FILIP1L: variants seen among roughly 807,000 people sequenced by gnomAD.
FILIP1L encodes filamin A interacting protein 1 like.
In FILIP1L, 55 loss-of-function variants were observed where a neutral mutation model predicts 96.6. The ratio of observed to expected loss-of-function variants is 0.57; its 90% CI spans 0.46 to 0.71. The LOEUF is 0.71. FILIP1L is among the 30% of genes least tolerant of loss of function. The probability of loss-of-function intolerance (pLI) is 0.00; values close to 1 mark genes in which losing one functional copy is unlikely to be tolerated. For missense variants in FILIP1L, 1,304 were observed against 1,321.2 expected (o/e 0.99, Z 0.20); for synonymous variants, 467 against 473.9 (o/e 0.99, Z 0.19).
At chr3:99,972,657 C>G (rs1022830128) in intron 1 of FILIP1L, among the ~76,000 whole-genome samples, 6 of 152,118 alleles carry the variant, frequency 3.9e-5, no homozygotes, top group African/African-American at 1.2e-4. Context: ...ATGTCACCAC[C>G]CTGTTGGGAA....
At chr3:99,865,741 AGGGC>A (rs1944478790) in intron 4 of FILIP1L, among the ~76,000 whole-genome samples, 1 of 151,824 alleles carries the variant, frequency 6.6e-6, no homozygotes, top group African/African-American at 2.4e-5. Context: ...ACAGACTTCA[AGGGC>A]ATAATAATAA....
intron 1 of FILIP1L, among the ~76,000 whole-genome samples, chr3:99,977,959 A>T (rs1268497224): frequency 6.6e-6 from 1 of 152,200 alleles, no homozygotes; most frequent in Non-Finnish European, 1.5e-5. Flanking sequence ...CAAAATTTCC[A>T]TGAGCAAATT....
chr3:99,991,564 T>A (rs970006975), intron 1 of FILIP1L, among the ~76,000 whole-genome samples: 2 of 152,002 alleles, frequency 1.3e-5, no homozygotes, highest in African/African-American at 4.8e-5. Flanking sequence ...ATCACAGACA[T>A]TGTACCCAAT....
intron 3 of FILIP1L, among the ~76,000 whole-genome samples, chr3:99,929,244 T>C (rs1386889425): frequency 6.6e-6 from 1 of 152,230 alleles, no homozygotes; most frequent in Non-Finnish European, 1.5e-5. Flanking sequence ...GTGGCCCTGT[T>C]GGGACTGCCC....
At chr3:99,922,426 C>G (rs1707153620) in intron 4 of FILIP1L, among the ~76,000 whole-genome samples, 1 of 152,148 alleles carries the variant, frequency 6.6e-6, no homozygotes, top group African/African-American at 2.4e-5. Flanking sequence ...TTAGTAGGAC[C>G]TTTCCCCTGC....
chr3:100,056,711 A>C (rs2065469399), intron 1 of FILIP1L, among the ~76,000 whole-genome samples: 1 of 151,918 alleles, frequency 6.6e-6, no homozygotes, highest in Non-Finnish European at 1.5e-5. Flanking sequence ...TAAAAAAAAA[A>C]AAATGGGGCC....
At chr3:99,989,179 A>G (rs146936227) in intron 1 of FILIP1L, among the ~76,000 whole-genome samples, 1 of 152,104 alleles carries the variant, frequency 6.6e-6, no homozygotes. Flanking sequence ...TTTCTTGGAG[A>G]TAAATTAAAT....
chr3:100,068,682 C>T (rs1559746631), intron 1 of FILIP1L, among the ~76,000 whole-genome samples: 1 of 152,226 alleles, frequency 6.6e-6, no homozygotes, highest in African/African-American at 2.4e-5. Context: ...GGCTGGAGTG[C>T]AGTTGCACGA....
intron 4 of FILIP1L, among the ~76,000 whole-genome samples, chr3:99,858,563 A>G (rs1274916626): frequency 6.6e-6 from 1 of 152,224 alleles, no homozygotes; most frequent in East Asian, 1.9e-4. Flanking sequence ...ATACTTTTAC[A>G]AAATTATTTA....
chr3:100,043,056 A>G (rs772851890), intron 1 of FILIP1L, among the ~76,000 whole-genome samples: 5 of 152,214 alleles, frequency 3.3e-5, no homozygotes, highest in East Asian at 1.9e-4. Flanking sequence ...CTTTACCTCA[A>G]TGTGAAGATC....
rs1184537682 is a variant in FILIP1L, at chr3:99,910,738, A to G, written c.605+13492T>C. On this transcript the variant is annotated intron_variant, in intron 4 of 5. Coordinates refer to ENST00000477258, the MANE Select transcript of FILIP1L (RefSeq NM_001387850.1). ...ATTCTTTGCCCAAATAGTTACCCAT[A>G]CTCTTCTCAGAACCCTCATGCAAGA... 7.3e-5 allele frequency among the ~76,000 whole-genome samples: 11 copies of G among 149,934 alleles called. 2 individuals are homozygous for G. The highest frequency in any genetic ancestry group is 2.7e-4 in the African/African-American group (11 of 41,170).
intron 1 of FILIP1L, among the ~76,000 whole-genome samples, chr3:99,971,884 CTT>C (rs1293690322): frequency 6.6e-5 from 10 of 152,146 alleles, no homozygotes; most frequent in Non-Finnish European, 1.5e-4. Context: ...CCTATATACT[CTT>C]TTGGTAGGAT....
rs16841828 is a variant in FILIP1L, at chr3:99,924,022, A to G, written c.605+208T>C. Among the ~76,000 whole-genome samples, 932 of 152,330 alleles carry G rather than the reference A, an allele frequency of 6.1e-3. 10 individuals carry two copies. Among genetic ancestry groups the G allele is most frequent in the African/African-American group, 0.021 (881 of 41,570 alleles). Reference sequence around the variant, plus strand: ...TCCCTTCAAGAGTTAGGGGCCTAACATTTATGGTTCCACAGTCCTTATCAC... The same window carrying G: ...TCCCTTCAAGAGTTAGGGGCCTAACGTTTATGGTTCCACAGTCCTTATCAC... On this transcript the variant is annotated intron_variant, in intron 4 of 5. Transcript: ENST00000477258.
At chr3:99,927,699 A>T (rs553929929) in intron 3 of FILIP1L, among the ~76,000 whole-genome samples, 2 of 152,268 alleles carry the variant, frequency 1.3e-5, no homozygotes, top group African/African-American at 4.8e-5. Context: ...TTTTGGAAGA[A>T]CTAAGAATAC....
Position 100,015,425 on chromosome 3 carries a change from A to AT in FILIP1L, c.-10-84396dup, listed in dbSNP as rs539655231. On this transcript the variant is annotated intron_variant, in intron 1 of 5. Coordinates refer to ENST00000477258, the MANE Select transcript of FILIP1L (RefSeq NM_001387850.1). The stretch of plus-strand genomic sequence containing the variant: ...TTTTTCTATTTCTGTGAAAAATCTC[A>AT]TTAGAATTTTGATAGGTATTGCATT... Among the ~76,000 whole-genome samples, 706 of 152,318 alleles carry AT rather than the reference A, an allele frequency of 4.6e-3. 2 individuals carry two copies. Among genetic ancestry groups the AT allele is most frequent in the South Asian group, 7.0e-3 (34 of 4,824 alleles).
chr3:99,968,288 A>T (rs114861059), intron 1 of FILIP1L, among the ~76,000 whole-genome samples: 10 of 152,264 alleles, frequency 6.6e-5, no homozygotes, highest in Non-Finnish European at 1.2e-4. Flanking sequence ...CAAACTACAG[A>T]AAGTTTGGTC....
intron 1 of FILIP1L, among the ~76,000 whole-genome samples, chr3:100,108,727 C>T (rs745969610): frequency 5.3e-5 from 8 of 152,142 alleles, no homozygotes; most frequent in Non-Finnish European, 1.2e-4. Flanking sequence ...TGTTAGATAA[C>T]TAAGTAAGCA....
At chr3:99,911,703 A>G (rs75403812) in intron 4 of FILIP1L, among the ~76,000 whole-genome samples, 2,133 of 152,288 alleles carry the variant, frequency 0.014, 30 homozygotes, top group South Asian at 0.021. Context: ...GAGCTAATCC[A>G]TCTTTCTAAT....
At chr3:99,930,722 C>T (rs1295455704) in intron 2 of FILIP1L, 47 bp downstream of exon 2, 16 of 1,597,196 alleles carry the variant, frequency 1.0e-5, no homozygotes, top group Middle Eastern at 1.9e-4. Flanking sequence ...AATTCACAAG[C>T]AGCCTTCTGT....
Sources: allele counts gnomAD v4.1 joint callset (sites outside exome capture counted in the v4.1 genomes callset), GRCh38; gene constraint gnomAD v4.1.1; transcripts MANE v1.5; gene names NCBI Gene and HGNC (gene_info 2026-07-23, HGNC 2026-07-21).